FNDC1: variants seen among roughly 807,000 people sequenced by gnomAD.
FNDC1 encodes the protein fibronectin type III domain containing 1.
In FNDC1, 96 loss-of-function variants were observed where a neutral mutation model predicts 168.0. The observed-to-expected ratio is 0.57, with a 90% CI of 0.48 to 0.68. The LOEUF (loss-of-function observed/expected upper bound fraction) is 0.68, where lower values mean the gene tolerates loss of function less well. Ranked by LOEUF, FNDC1 falls within the 30% of genes least tolerant of loss-of-function variation. The pLI is 0.00. For missense variants in FNDC1, 2,587 were observed against 2,482.1 expected (o/e 1.04, Z -0.90); for synonymous variants, 1,099 against 1,025.9 (o/e 1.07, Z -1.36).
At chr6:159,187,592 C>T in intron 1 of FNDC1, among the ~76,000 whole-genome samples, 1 of 152,146 alleles carries the variant, frequency 6.6e-6, no homozygotes. Flanking sequence ...CCAACAGCAG[C>T]CTCCTCGGGG....
chr6:159,251,249 G>C (rs1175953620), intron 16 of FNDC1, 53 bp from the exon 17 acceptor site: 1 of 1,348,958 alleles, frequency 7.4e-7, no homozygotes, highest in African/African-American at 1.4e-5. Flanking sequence ...CTATGTTTCT[G>C]CCTCCAGAAA....
In FNDC1 at chr6:159,200,503, C is replaced by T. The variant is rs892808163; in HGVS notation, c.392-10C>T. ...GTTTCTAACTATCAAGTTGCATTTC[C>T]CTAATTTAGGAGGTGAATGGATCGA... On this transcript the variant is annotated splice_polypyrimidine_tract_variant and intron_variant, in intron 3 of 22. Coordinates refer to ENST00000297267, the MANE Select transcript of FNDC1 (RefSeq NM_032532.3). The T allele has an allele frequency of 6.3e-7, 1 of 1,591,482 alleles. No individual in the cohort carries two copies. The highest frequency in any genetic ancestry group is 1.3e-5 in the African/African-American group (1 of 74,646).
At chr6:159,182,491 T>A (rs1200685937) in intron 1 of FNDC1, among the ~76,000 whole-genome samples, 1 of 152,202 alleles carries the variant, frequency 6.6e-6, no homozygotes, top group Non-Finnish European at 1.5e-5. Context: ...AATGCCATAC[T>A]CTGTTCTCTG....
At position 159,231,929 on chromosome 6, in the gene FNDC1, G is replaced by A. The variant is rs750397980; in HGVS notation, c.1417G>A (p.Glu473Lys). ...EQNTEDNGKP[E>K]KPEPSSPSPR... Reference sequence around the variant, plus strand: ...GAACACGGAGGACAATGGGAAACCCGAAAAACCTGAGCCTTCCTCACCTTC... The same window carrying A: ...GAACACGGAGGACAATGGGAAACCCAAAAAACCTGAGCCTTCCTCACCTTC... The change falls in exon 11 of 23, where the codon GAA (glutamate) becomes AAA (lysine). Residue 473 changes from glutamate (E) to lysine (K), a missense_variant. Physicochemically the swap from Glu to Lys is moderately conservative, Grantham distance 56. Coordinates refer to ENST00000297267, the MANE Select transcript of FNDC1 (RefSeq NM_032532.3). 1.5e-5 allele frequency: 24 copies of A among 1,613,054 alleles called. No individual in the cohort carries two copies. In the East Asian group the frequency reaches 4.2e-4, roughly 28 times the overall value.
intron 9 of FNDC1, among the ~76,000 whole-genome samples, chr6:159,228,555 T>TA (rs11384239): frequency 8.5e-5 from 13 of 152,160 alleles, no homozygotes; most frequent in Non-Finnish European, 1.5e-4. Flanking sequence ...GTTTTTTTTT[T>TA]AAATAAATAT....
intron 18 of FNDC1, 36 bp from the exon 19 acceptor site, chr6:159,261,154 A>T: frequency 6.6e-7 from 1 of 1,504,374 alleles, no homozygotes; most frequent in Non-Finnish European, 9.2e-7. Context: ...AATCAAATAC[A>T]TGTCTCTTTC....
At chr6:159,264,580 T>G (rs904929871) in intron 19 of FNDC1, among the ~76,000 whole-genome samples, 3 of 152,210 alleles carry the variant, frequency 2.0e-5, no homozygotes, top group African/African-American at 7.2e-5. Flanking sequence ...GATGGACATA[T>G]GTTTCCATTT....
chr6:159,238,438 T>C, intron 12 of FNDC1, 116 bp from the exon 13 acceptor site: 1 of 655,880 alleles, frequency 1.5e-6, no homozygotes, highest in Non-Finnish European at 2.6e-6. Flanking sequence ...GAATGTCTTC[T>C]ACTCACATTA....
intron 4 of FNDC1, among the ~76,000 whole-genome samples, chr6:159,210,909 T>C (rs972558979): frequency 1.3e-5 from 2 of 152,164 alleles, no homozygotes; most frequent in Admixed American, 6.5e-5. Flanking sequence ...CTCTTCCTTA[T>C]CAAGCTTCTT....
intron 7 of FNDC1, among the ~76,000 whole-genome samples, chr6:159,224,346 C>T (rs433171): frequency 0.38 from 58,366 of 151,912 alleles, 14,350 homozygotes; most frequent in East Asian, 0.73. Context: ...ATTTTATTTC[C>T]ACGACTGAAT....
Position 159,197,432 on chromosome 6 carries a change from T to C in FNDC1, c.111T>C (p.Val37=). ...LPVASSAAAS[V]DHPLKPRHVK... ...TTGATAGTTGCGCTGTTTACATAGT[T>C]GACCACCCACTGAAGCCAAGGCATG... Residue 37 remains valine (V), a splice_region_variant and synonymous_variant, in exon 2 of 23, where the codon GTT becomes GTC. Coordinates refer to ENST00000297267, the MANE Select transcript of FNDC1 (RefSeq NM_032532.3). 6.2e-7 allele frequency: 1 copy of C among 1,611,214 alleles called. No individual in the cohort carries two copies. Among genetic ancestry groups the C allele is most frequent in the South Asian group, 1.1e-5 (1 of 90,476 alleles).
chr6:159,251,381 C>T lies in FNDC1; in HGVS notation c.4914C>T (p.Asp1638=). The T allele has an allele frequency of 6.2e-7, 1 of 1,613,874 alleles. No individual in the cohort carries two copies. The highest frequency in any genetic ancestry group is 2.2e-5 in the East Asian group (1 of 44,894). ...ATGCACTGGATCACTTCCAAGTGGA[C>T]AGCCTGGATGAAATCATCCCCAATG... The part of the protein sequence containing the change: ...LTDALDHFQV[D]SLDEIIPNDL... The change falls in exon 17 of 23, where the codon GAC becomes GAT. Residue 1638 remains aspartate (D), a synonymous_variant. Transcript: ENST00000297267.
intron 9 of FNDC1, among the ~76,000 whole-genome samples, chr6:159,227,453 T>C (rs1369797238): frequency 1.3e-5 from 2 of 152,196 alleles, no homozygotes; most frequent in Non-Finnish European, 2.9e-5. Flanking sequence ...CTAGTCTCCT[T>C]TGAGAATTTC....
At chr6:159,236,436 T>C in intron 12 of FNDC1, 121 bp downstream of exon 12, 1 of 663,180 alleles carries the variant, frequency 1.5e-6, no homozygotes, top group South Asian at 1.9e-5. Context: ...TAGTTTTAAC[T>C]ACTTATATGT....
At chr6:159,239,385 C>A in intron 13 of FNDC1, 132 bp from the exon 14 acceptor site, 1 of 734,446 alleles carries the variant, frequency 1.4e-6, no homozygotes, top group Non-Finnish European at 2.2e-6. Context: ...ATGCAATATT[C>A]ATTTATCCCT....
chr6:159,259,021 G>A (rs946649199), intron 18 of FNDC1, among the ~76,000 whole-genome samples: 6 of 152,188 alleles, frequency 3.9e-5, no homozygotes, highest in Non-Finnish European at 4.4e-5. Flanking sequence ...ACCAGACAGA[G>A]TCCCAAAGAA....
At chr6:159,196,581 A>G (rs942616909) in intron 1 of FNDC1, among the ~76,000 whole-genome samples, 1 of 152,100 alleles carries the variant, frequency 6.6e-6, no homozygotes, top group Non-Finnish European at 1.5e-5. Context: ...TTTTTAGGTT[A>G]CTTTTTTCTT....
intron 1 of FNDC1, among the ~76,000 whole-genome samples, chr6:159,186,373 G>C (rs776263636): frequency 1.6e-4 from 25 of 152,168 alleles, no homozygotes; most frequent in Non-Finnish European, 3.2e-4. Context: ...TGTCCATAAG[G>C]AGCCATTAAC....
chr6:159,200,200 AC>A, intron 3 of FNDC1, 118 bp downstream of exon 3: 1 of 786,624 alleles, frequency 1.3e-6, no homozygotes, highest in Non-Finnish European at 2.1e-6. Context: ...TTGAACAAGA[AC>A]TTTTTAGACT....
Sources: gnomAD v4.1 joint callset for allele counts (sites outside exome capture counted in the v4.1 genomes callset) on GRCh38, gnomAD v4.1.1 for gene constraint, MANE v1.5 for transcripts, NCBI Gene and HGNC (gene_info 2026-07-23, HGNC 2026-07-21) for gene names.